The following CDH18 variants were observed in gnomAD, a reference collection of about 807,000 sequenced individuals.
The protein encoded by CDH18 is cadherin 18, also known as cadherin-18.
CDH18 carries 31 observed loss-of-function variants against 67.9 expected under a neutral mutation model. The ratio of observed to expected loss-of-function variants is 0.46; its 90% CI spans 0.34 to 0.62. The LOEUF is 0.62. Ranked by LOEUF, CDH18 falls within the 20% of genes least tolerant of loss-of-function variation. CDH18 has a pLI of 0.01. For synonymous variants in CDH18, 362 were observed against 347.2 expected (o/e 1.04, Z -0.48); for missense variants, 890 against 975.5 (o/e 0.91, Z 1.17).
Position 19,591,087 on chromosome 5 carries a change from C to A in CDH18, c.969G>T (p.Glu323Asp). Residue 323 changes from glutamate (E) to aspartate (D), a missense_variant, in exon 7 of 13, where the codon GAG (glutamate) becomes GAT (aspartate). Transcript: ENST00000382275. ...MGIFSISTDKETREGILSLKK... is the reference protein window; with the variant it reads ...MGIFSISTDKDTREGILSLKK... The stretch of plus-strand genomic sequence containing the variant: ...TTAAAGAAAGGATTCCTTCTCTGGT[C>A]TCTTTGTCAGTGGAGATTGAGAATA... 2 of 1,604,974 alleles carry A rather than the reference C, an allele frequency of 1.2e-6. No homozygotes were observed. Among genetic ancestry groups the A allele is most frequent in the South Asian group, 2.2e-5 (2 of 89,574 alleles).
At position 20,427,922 on chromosome 5, in the gene CDH18, GTGTT is replaced by G. The variant is rs1306230993; in HGVS notation, c.-580+147536_-580+147539del. The stretch of plus-strand genomic sequence containing the variant: ...ATTATCAAACTCTTTTTGACCCAAC[GTGTT>G]TGTTTTTTTGTTTAATTTTACTTTA... On this transcript the variant is annotated intron_variant, in intron 1 of 14. Coordinates refer to the CDH18 transcript ENST00000507958. Among the ~76,000 whole-genome samples the G allele has an allele frequency of 4.6e-5, 7 of 151,140 alleles. 1 individual carries two copies. The highest frequency in any genetic ancestry group is 1.9e-4 in the East Asian group (1 of 5,182).
At chr5:20,241,676 C>A (rs547666984) in intron 2 of CDH18, among the ~76,000 whole-genome samples, 1 of 151,348 alleles carries the variant, frequency 6.6e-6, no homozygotes, top group Non-Finnish European at 1.5e-5. Flanking sequence ...ATGGTGAAAC[C>A]CCATCTCTAC....
chr5:19,577,974 G>A (rs891789806), intron 7 of CDH18, among the ~76,000 whole-genome samples: 1 of 152,176 alleles, frequency 6.6e-6, no homozygotes, highest in Non-Finnish European at 1.5e-5. Context: ...CAGAGGCAGA[G>A]AGAGGAGTGA....
chr5:20,293,055 G>T (rs1285016245), intron 1 of CDH18, among the ~76,000 whole-genome samples: 2 of 152,104 alleles, frequency 1.3e-5, no homozygotes, highest in East Asian at 3.9e-4. Flanking sequence ...GGTGGCTCAC[G>T]CCTGTAATCC....
At chr5:19,888,380 T>C (rs1486366551) in intron 2 of CDH18, among the ~76,000 whole-genome samples, 1 of 152,126 alleles carries the variant, frequency 6.6e-6, no homozygotes, top group Non-Finnish European at 1.5e-5. Flanking sequence ...CTTTGTTTTT[T>C]TCAGTAATGG....
chr5:20,569,288 T>C (rs985391436), intron 1 of CDH18, among the ~76,000 whole-genome samples: 3 of 152,192 alleles, frequency 2.0e-5, no homozygotes, highest in Admixed American at 6.6e-5. Flanking sequence ...ATCATTTATA[T>C]AGCTTGTACT....
chr5:20,189,353 G>C (rs369649072), intron 2 of CDH18, among the ~76,000 whole-genome samples: 1 of 151,922 alleles, frequency 6.6e-6, no homozygotes, highest in African/African-American at 2.4e-5. Context: ...TCTATCCATC[G>C]TGTGCTTTTT....
chr5:20,489,839 T>A (rs2126377604), intron 1 of CDH18, among the ~76,000 whole-genome samples: 1 of 151,996 alleles, frequency 6.6e-6, no homozygotes, highest in Non-Finnish European at 1.5e-5. Flanking sequence ...TAACAATGTT[T>A]ACTTTTATTC....
At chr5:20,536,687 C>T (rs1267743517) in intron 1 of CDH18, among the ~76,000 whole-genome samples, 2 of 152,080 alleles carry the variant, frequency 1.3e-5, no homozygotes, top group African/African-American at 4.8e-5. Context: ...AGGCTTTCAA[C>T]TTAGAGAAAA....
At chr5:20,540,271 A>G (rs1164120981) in intron 1 of CDH18, among the ~76,000 whole-genome samples, 1 of 152,198 alleles carries the variant, frequency 6.6e-6, no homozygotes, top group Non-Finnish European at 1.5e-5. Context: ...GAACAGACTT[A>G]TTAAATTCCA....
At chr5:20,021,925 A>G (rs548612203) in intron 2 of CDH18, among the ~76,000 whole-genome samples, 5 of 152,136 alleles carry the variant, frequency 3.3e-5, no homozygotes, top group African/African-American at 1.2e-4. Context: ...GCAATTGATA[A>G]TATTTGCTTA....
chr5:20,507,092 C>T (rs1223067983), intron 1 of CDH18, among the ~76,000 whole-genome samples: 1 of 152,218 alleles, frequency 6.6e-6, no homozygotes, highest in African/African-American at 2.4e-5. Flanking sequence ...TCCCAGCCAT[C>T]AGCCAGCAGT....
intron 1 of CDH18, among the ~76,000 whole-genome samples, chr5:20,520,117 A>G (rs1755653460): frequency 6.6e-6 from 1 of 151,456 alleles, no homozygotes; most frequent in African/African-American, 2.4e-5. Context: ...TCCTTTTGAA[A>G]AGAGGGGATG....
At chr5:19,855,536 T>C (rs1784190481) in intron 2 of CDH18, among the ~76,000 whole-genome samples, 1 of 152,094 alleles carries the variant, frequency 6.6e-6, no homozygotes, top group Non-Finnish European at 1.5e-5. Flanking sequence ...CTATAAAAAA[T>C]CAACAAATTT....
intron 3 of CDH18, among the ~76,000 whole-genome samples, chr5:19,789,229 G>A (rs918783078): frequency 5.9e-5 from 9 of 152,118 alleles, no homozygotes; most frequent in African/African-American, 1.9e-4. Flanking sequence ...TAAGTTGTAC[G>A]ACCTTAGGCA....
At chr5:19,642,769 A>AT (rs1215085762) in intron 5 of CDH18, among the ~76,000 whole-genome samples, 4 of 151,938 alleles carry the variant, frequency 2.6e-5, no homozygotes, top group Admixed American at 6.6e-5. Flanking sequence ...CCAGGCAATA[A>AT]TTTTTTTGGA....
intron 1 of CDH18, chr5:20,305,107 A>G (rs1432419183): frequency 6.4e-7 from 1 of 1,554,206 alleles, no homozygotes; most frequent in Admixed American, 1.7e-5. Flanking sequence ...ATTTGCAGCA[A>G]GAGAACCAAA....
intron 2 of CDH18, among the ~76,000 whole-genome samples, chr5:19,969,070 G>T (rs1347081951): frequency 7.1e-6 from 1 of 140,692 alleles, no homozygotes; most frequent in African/African-American, 3.2e-5. Flanking sequence ...AGACATTTAT[G>T]CAGCCAAAAT....
chr5:20,003,661 G>A (rs1052261328), intron 2 of CDH18, among the ~76,000 whole-genome samples: 3 of 152,230 alleles, frequency 2.0e-5, no homozygotes, highest in African/African-American at 2.4e-5. Context: ...TTGGGAGGCC[G>A]AGGTGCGGAT....
Sources: gnomAD v4.1 joint callset for allele counts (sites outside exome capture counted in the v4.1 genomes callset) on GRCh38, gnomAD v4.1.1 for gene constraint, MANE v1.5 for transcripts, NCBI Gene and HGNC (gene_info 2026-07-23, HGNC 2026-07-21) for gene names.